DOCK4: variants seen among roughly 807,000 people sequenced by gnomAD.
DOCK4 encodes dedicator of cytokinesis protein 4.
In DOCK4, 97 loss-of-function variants were observed where a neutral mutation model predicts 268.1. The ratio of observed to expected loss-of-function variants is 0.36; its 90% CI spans 0.31 to 0.43. The LOEUF is 0.43. Ranked by LOEUF, DOCK4 falls within the 20% of genes least tolerant of loss-of-function variation. DOCK4 has a pLI of 1.00. For synonymous variants in DOCK4, 954 were observed against 887.2 expected (o/e 1.08, Z -1.34); for missense variants, 2,145 against 2,455.7 (o/e 0.87, Z 2.67).
intron 51 of DOCK4, among the ~76,000 whole-genome samples, chr7:111,733,859 T>G (rs963920210): frequency 3.9e-5 from 6 of 152,234 alleles, no homozygotes; most frequent in African/African-American, 1.4e-4. Context: ...TTGTTTTCTT[T>G]GAAGACCTCA....
At chr7:111,883,630 T>A (rs964370831) in intron 16 of DOCK4, among the ~76,000 whole-genome samples, 2 of 152,142 alleles carry the variant, frequency 1.3e-5, no homozygotes, top group Non-Finnish European at 2.9e-5. Context: ...ATGGACCACT[T>A]GTATGAGTGA....
intron 17 of DOCK4, among the ~76,000 whole-genome samples, chr7:111,873,694 A>G (rs1395611622): frequency 6.6e-6 from 1 of 152,206 alleles, no homozygotes; most frequent in African/African-American, 2.4e-5. Flanking sequence ...AACACCAGTG[A>G]GAAAAAGCAT....
chr7:111,892,557 G>A (rs977504278), intron 16 of DOCK4, among the ~76,000 whole-genome samples: 1 of 152,168 alleles, frequency 6.6e-6, no homozygotes, highest in Non-Finnish European at 1.5e-5. Flanking sequence ...GAGGAAGGTA[G>A]GAATCCAGCT....
intron 44 of DOCK4, among the ~76,000 whole-genome samples, chr7:111,745,420 C>T (rs549815243): frequency 1.3e-5 from 2 of 152,082 alleles, no homozygotes; most frequent in African/African-American, 4.8e-5. Context: ...CGGTGGCTCA[C>T]GCCTGTAATC....
At chr7:112,176,574 T>G (rs1364652957) in intron 1 of DOCK4, among the ~76,000 whole-genome samples, 2 of 152,218 alleles carry the variant, frequency 1.3e-5, no homozygotes, top group Admixed American at 1.3e-4. Context: ...ACAATGCCCT[T>G]ATTTGGCTTC....
chr7:112,170,504 T>C (rs1456435499), intron 1 of DOCK4, among the ~76,000 whole-genome samples: 2 of 151,912 alleles, frequency 1.3e-5, no homozygotes, highest in African/African-American at 4.8e-5. Context: ...GTTAACTTAC[T>C]ATAGGAGCAG....
At chr7:112,125,051 G>T (rs1299289886) in intron 1 of DOCK4, among the ~76,000 whole-genome samples, 7 of 152,100 alleles carry the variant, frequency 4.6e-5, no homozygotes, top group African/African-American at 1.4e-4. Flanking sequence ...AGTTAACCAA[G>T]GCCTCACTGT....
intron 26 of DOCK4, among the ~76,000 whole-genome samples, chr7:111,833,903 GA>G: frequency 6.6e-6 from 1 of 152,280 alleles, no homozygotes; most frequent in South Asian, 2.1e-4. Flanking sequence ...GTTTCCATAT[GA>G]AATTTGTCCA....
intron 1 of DOCK4, among the ~76,000 whole-genome samples, chr7:112,160,210 C>A (rs962273834): frequency 3.3e-5 from 5 of 152,198 alleles, no homozygotes; most frequent in African/African-American, 1.2e-4. Context: ...TGTGACTCAG[C>A]TCATCTGTAA....
At position 112,011,593 on chromosome 7, in the gene DOCK4, A is replaced by G. The variant is rs531998667; in HGVS notation, c.38-7462T>C. On this transcript the variant is annotated intron_variant, in intron 1 of 52. Transcript: ENST00000428084. ...AGAGAATTAACAACATCAGGAGGGA[A>G]TTTTTCCACATTCAGATTTGAAGAC... Among the ~76,000 whole-genome samples the G allele has an allele frequency of 1.3e-3, 200 of 151,964 alleles. 1 individual carries two copies. The highest frequency in any genetic ancestry group is 2.2e-3 in the Non-Finnish European group (148 of 67,960).
intron 1 of DOCK4, among the ~76,000 whole-genome samples, chr7:112,091,115 G>A (rs1809586826): frequency 6.6e-6 from 1 of 152,092 alleles, no homozygotes; most frequent in Non-Finnish European, 1.5e-5. Context: ...ATAAAATAAG[G>A]GAAAGACCCA....
rs993556319 is a variant in DOCK4, at chr7:111,766,929, A to G, written c.3915+103T>C. 17 of 831,718 alleles carry G rather than the reference A, an allele frequency of 2.0e-5. No homozygotes were observed. The African/African-American group carries it at 2.4e-4, about 12-fold the overall frequency. 51.5% of individuals were successfully genotyped at this position (831,718 alleles called of 1,614,324 possible). A position where few individuals can be genotyped will look rare whatever the true frequency, so the allele number is the denominator to read the frequency against. On this transcript the variant is annotated intron_variant, in intron 38 of 52. Coordinates refer to ENST00000428084, the MANE Select transcript of DOCK4 (RefSeq NM_001363540.2). ...TATGCTTCAGAGGATTTATCTTAAA[A>G]AGGGTTTCTGCAAGACCACAAAGTT...
At chr7:111,931,190 C>T (rs1794172330) in intron 12 of DOCK4, among the ~76,000 whole-genome samples, 1 of 152,116 alleles carries the variant, frequency 6.6e-6, no homozygotes, top group Non-Finnish European at 1.5e-5. Flanking sequence ...CATTTGGTTG[C>T]CTAGGAATCT....
chr7:111,950,678 A>G (rs1407633016), intron 8 of DOCK4, among the ~76,000 whole-genome samples: 1 of 152,188 alleles, frequency 6.6e-6, no homozygotes, highest in Non-Finnish European at 1.5e-5. Flanking sequence ...CCTTTACTTT[A>G]TGGTAGGGAA....
At chr7:112,204,882 A>AACACACAC (rs34706974) in intron 1 of DOCK4, among the ~76,000 whole-genome samples, 65 of 150,022 alleles carry the variant, frequency 4.3e-4, no homozygotes, top group Admixed American at 6.6e-4. Context: ...TCAATTTTAA[A>AACACACAC]ACACACACAC....
intron 5 of DOCK4, among the ~76,000 whole-genome samples, chr7:111,993,485 C>T (rs1799694622): frequency 6.6e-6 from 1 of 152,166 alleles, no homozygotes; most frequent in Non-Finnish European, 1.5e-5. Flanking sequence ...GGGGTGAGTA[C>T]TTCACTCTCT....
Position 111,740,168 on chromosome 7 carries a change from C to T in DOCK4, c.5041-691G>A, listed in dbSNP as rs113195023. 3.6e-4 allele frequency: 147 copies of T among 408,946 alleles called. 1 individual carries two copies. Among genetic ancestry groups the T allele is most frequent in the African/African-American group, 2.7e-3 (129 of 47,290 alleles). 25.3% of individuals were successfully genotyped at this position (408,946 alleles called of 1,614,324 possible). A position where few individuals can be genotyped will look rare whatever the true frequency, so the allele number is the denominator to read the frequency against. ...AGGCTGGAGTGCAGTGACATGCTCT[C>T]GGCTCACTGCAACCTCCTCCTCCCA... On this transcript the variant is annotated intron_variant, in intron 47 of 52. Coordinates refer to ENST00000428084, the MANE Select transcript of DOCK4 (RefSeq NM_001363540.2).
At position 112,151,974 on chromosome 7, in the gene DOCK4, A is replaced by C. The variant is rs553862346; in HGVS notation, c.37+54128T>G. ...CCAAACTGTTATTAAAAAAAAAAAA[A>C]AAAACTAATTCTAGCTAATTGAAGC... On this transcript the variant is annotated intron_variant, in intron 1 of 52. Transcript: ENST00000428084. 1.2e-3 allele frequency among the ~76,000 whole-genome samples: 180 copies of C among 152,092 alleles called. 3 individuals are homozygous for C. In the South Asian group the frequency reaches 0.024, roughly 20 times the overall value.
chr7:112,013,082 C>T (rs959846774), intron 1 of DOCK4, among the ~76,000 whole-genome samples: 1 of 152,180 alleles, frequency 6.6e-6, no homozygotes, highest in Non-Finnish European at 1.5e-5. Flanking sequence ...TTTTTGCAGC[C>T]TCTTCTATAA....
Sources: gnomAD v4.1 joint callset for allele counts (sites outside exome capture counted in the v4.1 genomes callset) on GRCh38, gnomAD v4.1.1 for gene constraint, MANE v1.5 for transcripts, NCBI Gene and HGNC (gene_info 2026-07-23, HGNC 2026-07-21) for gene names.